The following TC2N variants were observed in gnomAD, a reference collection of about 807,000 sequenced individuals.
TC2N encodes the protein tandem C2 domains nuclear protein.
Under a neutral mutation model 61.9 loss-of-function variants are expected in TC2N, and 51 were observed. The observed-to-expected ratio is 0.82, with a 90% CI of 0.66 to 1.04. The LOEUF (loss-of-function observed/expected upper bound fraction) is 1.04. TC2N is among the 50% of genes least tolerant of loss of function. TC2N has a pLI of 0.00. For missense variants in TC2N, 556 were observed against 566.7 expected (o/e 0.98, Z 0.19); for synonymous variants, 204 against 192.6 (o/e 1.06, Z -0.49).
At position 91,800,896 on chromosome 14, in the gene TC2N, C is replaced by T. The variant is rs948748715; in HGVS notation, c.470-524G>A. ...AAGGCAGGCCCTTAAATAAGCATTT[C>T]TTCTTTATTTTCAGTACCTCACCCT... On this transcript the variant is annotated intron_variant, in intron 4 of 11. Coordinates refer to ENST00000435962, the MANE Select transcript of TC2N (RefSeq NM_001128596.3). Among the ~76,000 whole-genome samples the T allele has an allele frequency of 2.0e-5, 3 of 151,734 alleles. No homozygotes were observed. In the South Asian group the frequency reaches 6.2e-4, roughly 32 times the overall value.
At chr14:91,859,671 C>T (rs2139925712) in intron 1 of TC2N, among the ~76,000 whole-genome samples, 1 of 152,212 alleles carries the variant, frequency 6.6e-6, no homozygotes, top group Non-Finnish European at 1.5e-5. Flanking sequence ...GAAGTGACTC[C>T]CTCTACACAG....
chr14:91,810,447 T>C (rs1302368123), intron 3 of TC2N, among the ~76,000 whole-genome samples: 2 of 152,108 alleles, frequency 1.3e-5, no homozygotes, highest in Admixed American at 6.5e-5. Context: ...TTCAGAAGAA[T>C]GTAACTGAAT....
chr14:91,805,052 T>C (rs1331895463), intron 3 of TC2N, among the ~76,000 whole-genome samples: 1 of 152,180 alleles, frequency 6.6e-6, no homozygotes, highest in Non-Finnish European at 1.5e-5. Context: ...TCTTCAAAGG[T>C]TTAAATTATT....
rs1310068858 is a variant in TC2N, at chr14:91,785,288, G to A, written c.1236C>T (p.Ala412=). The A allele has an allele frequency of 6.2e-7, 1 of 1,613,642 alleles. No individual in the cohort carries two copies. Among genetic ancestry groups the A allele is most frequent in the Admixed American group, 1.7e-5 (1 of 59,992 alleles). ...CTCCCCACTTGACTCTTCCATTGGA[G>A]GCCTTCAGTAAGCGTGTCTTTTTCT... ...IYKKKTRLLK[A]SNGRVKWGET... is the part of the protein sequence containing the mutation. The change falls in exon 11 of 12, where the codon GCC becomes GCT. Residue 412 remains alanine, a synonymous_variant. Coordinates refer to ENST00000435962, the MANE Select transcript of TC2N (RefSeq NM_001128596.3).
At chr14:91,807,964 T>C (rs1478632501) in intron 3 of TC2N, among the ~76,000 whole-genome samples, 1 of 152,156 alleles carries the variant, frequency 6.6e-6, no homozygotes, top group African/African-American at 2.4e-5. Context: ...GTTCTTGTGA[T>C]AGTGAATAAG....
chr14:91,866,200 G>C (rs1018796099), intron 1 of TC2N: 6 of 152,152 alleles, frequency 3.9e-5, no homozygotes, highest in Non-Finnish European at 5.9e-5. Context: ...GCACATTACA[G>C]TAACCACCCA....
intron 11 of TC2N, among the ~76,000 whole-genome samples, chr14:91,783,990 T>G (rs543860460): frequency 1.3e-5 from 2 of 152,102 alleles, no homozygotes; most frequent in African/African-American, 2.4e-5. Context: ...AATCCCAGTA[T>G]GTAAAACAGA....
intron 1 of TC2N, among the ~76,000 whole-genome samples, chr14:91,820,757 G>A (rs1887210578): frequency 6.6e-6 from 1 of 150,494 alleles, no homozygotes; most frequent in East Asian, 1.9e-4. Flanking sequence ...GTTCACTAAG[G>A]TTGCAAGATA....
intron 1 of TC2N, among the ~76,000 whole-genome samples, chr14:91,857,419 A>T (rs1888503480): frequency 6.6e-6 from 1 of 152,134 alleles, no homozygotes; most frequent in African/African-American, 2.4e-5. Context: ...CCGTTTATAA[A>T]CCGAGTCGTG....
intron 4 of TC2N, among the ~76,000 whole-genome samples, chr14:91,800,641 C>T (rs1886186322): frequency 6.6e-6 from 1 of 151,980 alleles, no homozygotes; most frequent in Non-Finnish European, 1.5e-5. Flanking sequence ...TTTTTCTTTA[C>T]ATTCCCCATT....
chr14:91,815,857 T>C (rs138414495), intron 1 of TC2N, among the ~76,000 whole-genome samples: 210 of 151,824 alleles, frequency 1.4e-3, no homozygotes, highest in African/African-American at 4.7e-3. Flanking sequence ...CAAGTATTAA[T>C]ACAAACAGTA....
chr14:91,812,586 G>A, intron 2 of TC2N, 41 bp from the exon 3 acceptor site: 1 of 982,750 alleles, frequency 1.0e-6, no homozygotes, highest in Non-Finnish European at 1.6e-6. Flanking sequence ...TATGAATATA[G>A]GTTACATATA....
At chr14:91,787,734 T>C in intron 9 of TC2N, 107 bp from the exon 10 acceptor site, 1 of 622,546 alleles carries the variant, frequency 1.6e-6, no homozygotes, top group Non-Finnish European at 2.8e-6. Context: ...AGTATTCCTT[T>C]CAAATGATAT....
chr14:91,861,915 T>TAC (rs72049314), intron 1 of TC2N, among the ~76,000 whole-genome samples: 1 of 148,644 alleles, frequency 6.7e-6, no homozygotes, highest in African/African-American at 2.5e-5. Context: ...CGTTGGAAAA[T>TAC]ATATATATAT....
intron 3 of TC2N, among the ~76,000 whole-genome samples, chr14:91,805,021 T>C (rs911410162): frequency 6.6e-6 from 1 of 152,240 alleles, no homozygotes; most frequent in South Asian, 2.1e-4. Flanking sequence ...TTGGGAATAA[T>C]ATGTAGACAT....
chr14:91,797,785 G>T lies in TC2N; in HGVS notation c.855C>A (p.Asn285Lys). ...AATTCAAATACAAACAGCCACTTAC[G>T]TTGGAACCTTCCTTGGCTGAAGATT... Reference protein sequence around the residue: ...HFKSSAKEGSNAIEFMETFVF... With the variant: ...HFKSSAKEGSKAIEFMETFVF... The change falls in exon 8 of 12, where the codon AAC (asparagine) becomes AAA (lysine). Residue 285 changes from asparagine to lysine, a missense_variant and splice_region_variant. Transcript: ENST00000435962. 6.4e-7 allele frequency: 1 copy of T among 1,559,988 alleles called. No individual in the cohort carries two copies. The highest frequency in any genetic ancestry group is 8.7e-7 in the Non-Finnish European group (1 of 1,145,464).
At chr14:91,835,310 A>T (rs1336443581) in intron 1 of TC2N, among the ~76,000 whole-genome samples, 4 of 152,258 alleles carry the variant, frequency 2.6e-5, no homozygotes, top group East Asian at 1.9e-4. Flanking sequence ...TTCCAGAAAA[A>T]GCAATTTTTA....
chr14:91,808,714 G>T (rs1399726688), intron 3 of TC2N, among the ~76,000 whole-genome samples: 1 of 152,058 alleles, frequency 6.6e-6, no homozygotes, highest in Non-Finnish European at 1.5e-5. Context: ...GTTTTCTAGT[G>T]AGCACAATGT....
At chr14:91,864,150 T>C (rs1888649125) in intron 1 of TC2N, among the ~76,000 whole-genome samples, 1 of 152,172 alleles carries the variant, frequency 6.6e-6, no homozygotes, top group Admixed American at 6.5e-5. Flanking sequence ...GTTAAGATGT[T>C]ACCTTTAGTC....
Sources: gnomAD v4.1 joint callset for allele counts (sites outside exome capture counted in the v4.1 genomes callset) on GRCh38, gnomAD v4.1.1 for gene constraint, MANE v1.5 for transcripts, NCBI Gene and HGNC (gene_info 2026-07-23, HGNC 2026-07-21) for gene names.